Variants in ATP6V0A2 observed in about 807,000 individuals in gnomAD.
ATP6V0A2 encodes V-type proton ATPase 116 kDa subunit a 2.
ATP6V0A2 carries 58 observed loss-of-function variants against 104.4 expected under a neutral mutation model. The ratio of observed to expected loss-of-function variants is 0.56; its 90% CI spans 0.45 to 0.69. ATP6V0A2 has a LOEUF of 0.69. Among genes scored for constraint, ATP6V0A2 ranks in the 30% least tolerant of loss-of-function variants. The probability of loss-of-function intolerance (pLI) is 0.00; values close to 1 mark genes in which losing one functional copy is unlikely to be tolerated. For missense variants in ATP6V0A2, 938 were observed against 1,062.9 expected (o/e 0.88, Z 1.63); for synonymous variants, 376 against 397.9 (o/e 0.95, Z 0.65).
intron 15 of ATP6V0A2, 172 bp from the exon 16 acceptor site, chr12:123,750,938 C>A: frequency 2.6e-6 from 2 of 762,858 alleles, no homozygotes; most frequent in Non-Finnish European, 2.2e-6. Flanking sequence ...TTCTAGAATT[C>A]AGCTATGAGT....
chr12:123,733,655 G>A (rs1956525059), intron 6 of ATP6V0A2: 2 of 468,392 alleles, frequency 4.3e-6, no homozygotes, highest in East Asian at 4.1e-5. Flanking sequence ...GATGGGAAGG[G>A]AGAGCGTCAC....
intron 1 of ATP6V0A2, among the ~76,000 whole-genome samples, chr12:123,715,554 A>G (rs1366603466): frequency 1.3e-5 from 2 of 152,210 alleles, no homozygotes; most frequent in African/African-American, 2.4e-5. Flanking sequence ...GAGAGTGCCC[A>G]GTACAAATCC....
intron 3 of ATP6V0A2, among the ~76,000 whole-genome samples, chr12:123,723,018 C>T (rs1956415191): frequency 6.6e-6 from 1 of 152,182 alleles, no homozygotes; most frequent in Admixed American, 6.5e-5. Context: ...ACCTGTGCTG[C>T]TTATTAGCAT....
intron 8 of ATP6V0A2, 113 bp from the exon 9 acceptor site, chr12:123,736,946 C>T (rs559367025): frequency 2.0e-4 from 214 of 1,063,858 alleles, no homozygotes; most frequent in Non-Finnish European, 3.0e-4. Flanking sequence ...AGGCAGGTGC[C>T]TGGAATGATC....
In ATP6V0A2 at chr12:123,758,136, C is replaced by G. The variant is rs1283047856; in HGVS notation, c.*104C>G. ...GATAGGAAAAATTCCATCTTCATTA[C>G]TGCCTTATGACATAGCCAAATAATT... On this transcript the variant is annotated 3_prime_UTR_variant, in exon 20 of 20. Transcript: ENST00000330342. 1.2e-5 allele frequency: 10 copies of G among 800,986 alleles called. No individual in the cohort carries two copies. In the Admixed American group the frequency reaches 1.8e-4, roughly 14 times the overall value. 49.6% of individuals were successfully genotyped at this position (800,986 alleles called of 1,614,324 possible).
In ATP6V0A2 at chr12:123,724,784, A is replaced by G. The variant is rs768807230; in HGVS notation, c.425A>G (p.Asn142Ser). 1.5e-5 allele frequency: 24 copies of G among 1,613,458 alleles called. No homozygotes were observed. The highest frequency in any genetic ancestry group is 1.6e-4 in the Middle Eastern group (1 of 6,082). ...LRVTKTFVKR[N>S]VEFEPTYEEF... ...GTGACAAAGACCTTTGTGAAACGCA[A>G]TGTTGAGGTACTGAACAGCTCGTGA... The change falls in exon 4 of 20, where the codon AAT becomes AGT. Residue 142 changes from asparagine to serine, a missense_variant. Physicochemically the swap from Asn to Ser is conservative, Grantham distance 46. Transcript: ENST00000330342.
rs1244350929 is a variant in ATP6V0A2 at position 123,759,415 on chromosome 12, C to T, written c.*1383C>T. 1 of 152,092 alleles carries T rather than the reference C, an allele frequency of 6.6e-6. No individual in the cohort carries two copies. Among genetic ancestry groups the T allele is most frequent in the Non-Finnish European group, 1.5e-5 (1 of 68,010 alleles). 9.4% of individuals were successfully genotyped at this position (152,092 alleles called of 1,614,324 possible). A position where few individuals can be genotyped will look rare whatever the true frequency, so the allele number is the denominator to read the frequency against. ...CAGTTGAAAACTAATTCTTAATAGC[C>T]ATTGTTTTATAATCTTTAGTTTAAA... On this transcript the variant is annotated 3_prime_UTR_variant, in exon 20 of 20. Transcript: ENST00000330342.
chr12:123,714,214 C>T (rs1956319666), intron 1 of ATP6V0A2, among the ~76,000 whole-genome samples: 1 of 152,188 alleles, frequency 6.6e-6, no homozygotes. Context: ...TTTCAATAAG[C>T]GCCACTACCT....
At chr12:123,714,675 T>G (rs1956323075) in intron 1 of ATP6V0A2, among the ~76,000 whole-genome samples, 1 of 152,180 alleles carries the variant, frequency 6.6e-6, no homozygotes, top group Admixed American at 6.6e-5. Flanking sequence ...TAAATGTGCC[T>G]TGAATTGAAT....
At chr12:123,755,750 A>AT (rs796160639) in intron 18 of ATP6V0A2, among the ~76,000 whole-genome samples, 2 of 151,222 alleles carry the variant, frequency 1.3e-5, no homozygotes, top group Non-Finnish European at 2.9e-5. Context: ...TAGATTTACC[A>AT]TTTTTTCATT....
intron 8 of ATP6V0A2, among the ~76,000 whole-genome samples, chr12:123,736,270 C>T (rs1216412758): frequency 6.8e-6 from 1 of 146,986 alleles, no homozygotes; most frequent in African/African-American, 2.5e-5. Flanking sequence ...CAGCTCACTG[C>T]AATCTCTGCT....
chr12:123,726,150 G>T, intron 4 of ATP6V0A2, 47 bp from the exon 5 acceptor site: 1 of 1,409,526 alleles, frequency 7.1e-7, no homozygotes, highest in Non-Finnish European at 1.0e-6. Context: ...GAGAAATAAA[G>T]TGTCACTTTT....
chr12:123,737,861 T>TTCTTTTA (rs1415830406), intron 9 of ATP6V0A2, among the ~76,000 whole-genome samples: 3 of 152,366 alleles, frequency 2.0e-5, no homozygotes, highest in South Asian at 4.1e-4. Flanking sequence ...ATTCATACTA[T>TTCTTTTA]TCTTTTCACT....
At position 123,744,562 on chromosome 12, in the gene ATP6V0A2, G is replaced by A. The variant is rs368447393; in HGVS notation, c.1327-35G>A. On this transcript the variant is annotated intron_variant, in intron 11 of 19. Transcript: ENST00000330342. The surrounding 1 kb of genome is among the most constrained non-coding windows in gnomAD (Gnocchi z 5.4). Reference sequence around the variant, plus strand: ...ACAGCTGTCACATGGACACCCTCCAGTAACCATATTCTGCCCCCGCCTTGC... The same window carrying A: ...ACAGCTGTCACATGGACACCCTCCAATAACCATATTCTGCCCCCGCCTTGC... The A allele has an allele frequency of 6.8e-6, 11 of 1,611,846 alleles. No individual in the cohort carries two copies. The African/African-American group carries it at 8.0e-5, about 12-fold the overall frequency.
chr12:123,755,887 C>T (rs1204953685), intron 18 of ATP6V0A2, among the ~76,000 whole-genome samples: 3 of 151,924 alleles, frequency 2.0e-5, no homozygotes, highest in African/African-American at 7.2e-5. Flanking sequence ...TCGAGACCAT[C>T]CTGGCTAACA....
rs149342501 is a variant in ATP6V0A2, at chr12:123,741,269, A to G, written c.1039-2516A>G. Among the ~76,000 whole-genome samples the G allele has an allele frequency of 6.2e-3, 948 of 152,198 alleles. 7 individuals are homozygous for G. The highest frequency in any genetic ancestry group is 0.021 in the South Asian group (99 of 4,818). On this transcript the variant is annotated intron_variant, in intron 9 of 19. Transcript: ENST00000330342. ...AACATGGCGAGACCCTGTCTCTACT[A>G]AAAAATACAAAAAATACACAATAGA...
rs1956675246 is a variant in ATP6V0A2 at position 123,747,688 on chromosome 12, A to G, written c.1687A>G (p.Met563Val). Reference sequence around the variant, plus strand: ...GTCCGTGATTTTAGGAATCATTCATATGACTTTTGGAGTCATTCTGGGAAT... The same window carrying G: ...GTCCGTGATTTTAGGAATCATTCATGTGACTTTTGGAGTCATTCTGGGAAT... Reference protein sequence around the residue: ...KMSVILGIIHMTFGVILGIFN... With the variant: ...KMSVILGIIHVTFGVILGIFN... The change falls in exon 14 of 20, where the codon ATG becomes GTG. Residue 563 changes from methionine (M) to valine (V), a missense_variant. Coordinates refer to ENST00000330342, the MANE Select transcript of ATP6V0A2 (RefSeq NM_012463.4). The G allele has an allele frequency of 1.2e-6, 2 of 1,611,892 alleles. No individual in the cohort carries two copies. The highest frequency in any genetic ancestry group is 8.5e-7 in the Non-Finnish European group (1 of 1,177,966).
intron 1 of ATP6V0A2, among the ~76,000 whole-genome samples, chr12:123,715,248 T>C (rs966664321): frequency 7.2e-5 from 11 of 152,120 alleles, no homozygotes; most frequent in African/African-American, 2.7e-4. Flanking sequence ...AGGAAGAAAA[T>C]GAAAGCTGAG....
rs186554971 is a variant in ATP6V0A2, at chr12:123,741,806, T to G, written c.1039-1979T>G. Among the ~76,000 whole-genome samples the G allele has an allele frequency of 2.8e-3, 427 of 152,318 alleles. 4 individuals are homozygous for G. The highest frequency in any genetic ancestry group is 0.022 in the South Asian group (108 of 4,828). ...TATTATTACACAAGCAATATAAATG[T>G]ATATTTACATGAAAATAGTTTTCTG... On this transcript the variant is annotated intron_variant, in intron 9 of 19. Transcript: ENST00000330342.
Sources: gnomAD v4.1 joint callset for allele counts (sites outside exome capture counted in the v4.1 genomes callset) on GRCh38, gnomAD v4.1.1 for gene constraint, Gnocchi (gnomAD v3.1) non-coding constraint, MANE v1.5 for transcripts, NCBI Gene and HGNC (gene_info 2026-07-23, HGNC 2026-07-21) for gene names.